The following TBK1 variants were observed in gnomAD, a reference collection of about 807,000 sequenced individuals.
TBK1 encodes the protein serine/threonine-protein kinase TBK1.
Under a neutral mutation model 99.9 loss-of-function variants are expected in TBK1, and 37 were observed. That is an observed-to-expected ratio of 0.37 (90% CI 0.28 to 0.49). The LOEUF is 0.49. Ranked by LOEUF, TBK1 falls within the 20% of genes least tolerant of loss-of-function variation. The pLI is 0.98. For missense variants in TBK1, 644 were observed against 872.5 expected, an observed-to-expected ratio of 0.74 and a Z score of 3.30; for synonymous variants, 258 against 279.8, an observed-to-expected ratio of 0.92 and a Z score of 0.78.
At chr12:64,481,805 T>C (rs767857968) in intron 7 of TBK1, 37 bp from the exon 8 acceptor site, 2 of 1,441,344 alleles carry the variant, frequency 1.4e-6, no homozygotes, top group Non-Finnish European at 1.8e-6. Flanking sequence ...GAATATGATA[T>C]ATTCACTCTT....
intron 9 of TBK1, 74 bp from the exon 10 acceptor site, chr12:64,485,381 T>A: frequency 1.5e-6 from 1 of 645,304 alleles, no homozygotes; most frequent in Non-Finnish European, 2.5e-6. Flanking sequence ...TTAGACATTG[T>A]GTTTGCTCTA....
chr12:64,472,269 C>T (rs539172346), intron 5 of TBK1, among the ~76,000 whole-genome samples: 47 of 150,400 alleles, frequency 3.1e-4, no homozygotes, highest in African/African-American at 1.0e-3. Context: ...CCCACCACCC[C>T]GACCCTCAGA....
In TBK1 at chr12:64,488,544, C is replaced by A; in HGVS notation, c.1398C>A (p.Ile466=). 1.2e-6 allele frequency: 2 copies of A among 1,605,854 alleles called. No homozygotes were observed. The highest frequency in any genetic ancestry group is 2.3e-5 in the South Asian group (2 of 88,406). The stretch of plus-strand genomic sequence containing the variant: ...TTCACAAAAAGACAGAAGTTGTGAT[C>A]ACATTGGATTTCTGTATCAGAAACA... ...ETVHKKTEVV[I]TLDFCIRNIE... Residue 466 remains isoleucine (I), a synonymous_variant, in exon 12 of 21, where the codon ATC becomes ATA. Transcript: ENST00000331710.
intron 20 of TBK1, among the ~76,000 whole-genome samples, chr12:64,500,024 A>C (rs2040972525): frequency 1.3e-5 from 2 of 152,074 alleles, no homozygotes; most frequent in African/African-American, 4.8e-5. Flanking sequence ...TTTATATTTA[A>C]CTACTTATGC....
At chr12:64,458,626 C>T (rs931768025) in intron 2 of TBK1, among the ~76,000 whole-genome samples, 5 of 151,818 alleles carry the variant, frequency 3.3e-5, no homozygotes, top group African/African-American at 7.3e-5. Context: ...ACCTGGATCC[C>T]GATAATCTCA....
intron 5 of TBK1, among the ~76,000 whole-genome samples, chr12:64,473,392 TGAAA>T (rs1240448652): frequency 6.6e-6 from 1 of 152,168 alleles, no homozygotes; most frequent in African/African-American, 2.4e-5. Flanking sequence ...GGGTAATTGT[TGAAA>T]GGAGTTTTGT....
intron 5 of TBK1, among the ~76,000 whole-genome samples, 169 bp from the exon 6 acceptor site, chr12:64,474,061 G>A (rs1565816805): frequency 6.6e-6 from 1 of 152,188 alleles, no homozygotes; most frequent in Admixed American, 6.5e-5. Context: ...AAAGGAGGTG[G>A]TGGAGGTTTG....
chr12:64,492,897 G>GTTT (rs539329815), intron 13 of TBK1, among the ~76,000 whole-genome samples: 8 of 113,654 alleles, frequency 7.0e-5, no homozygotes, highest in African/African-American at 2.0e-4. Context: ...AATTTTGTTT[G>GTTT]TTTTTTTTTT....
Position 64,484,509 on chromosome 12 carries a change from G to T in TBK1, c.1189+10G>T. The T allele has an allele frequency of 6.3e-7, 1 of 1,591,978 alleles. No homozygotes were observed. The highest frequency in any genetic ancestry group is 1.2e-5 in the South Asian group (1 of 86,954). On this transcript the variant is annotated intron_variant, in intron 9 of 20. Coordinates refer to ENST00000331710, the MANE Select transcript of TBK1 (RefSeq NM_013254.4). ...TTAATATATGAAAAAAGTAAGTTGG[G>T]ATTTTTCTTGTCGTTCTTACTAGCC...
rs1276287976 is a variant in TBK1 at position 64,467,007 on chromosome 12, C to T, written c.465C>T (p.Leu155=). The stretch of plus-strand genomic sequence containing the variant: ...AAGATGGACAGTCTGTGTACAAACT[C>T]ACAGATTTTGGTGCAGCTAGAGAAT... ...IGEDGQSVYK[L]TDFGAARELE... Residue 155 remains leucine, a synonymous_variant, in exon 5 of 21, where the codon CTC becomes CTT. Transcript: ENST00000331710. 5 of 1,611,844 alleles carry T rather than the reference C, an allele frequency of 3.1e-6. No homozygotes were observed. The highest frequency in any genetic ancestry group is 4.2e-6 in the Non-Finnish European group (5 of 1,178,998).
intron 1 of TBK1, among the ~76,000 whole-genome samples, chr12:64,453,763 A>G (rs1322217866): frequency 6.6e-6 from 1 of 152,244 alleles, no homozygotes; most frequent in Non-Finnish European, 1.5e-5. Flanking sequence ...ATGTTATGTT[A>G]GCATACATCA....
At chr12:64,452,493 C>G (rs2040437918) in intron 1 of TBK1, 2 of 152,416 alleles carry the variant, frequency 1.3e-5, no homozygotes, top group South Asian at 2.1e-4. Context: ...ACCTGCATCC[C>G]GTCCGGCGGC....
chr12:64,480,164 G>A (rs2040754962), intron 7 of TBK1, 42 bp downstream of exon 7: 1 of 1,472,732 alleles, frequency 6.8e-7, no homozygotes, highest in Non-Finnish European at 9.3e-7. Flanking sequence ...GCACTTTGGT[G>A]TTTGAAATCT....
At chr12:64,479,131 A>G (rs976756005) in intron 6 of TBK1, among the ~76,000 whole-genome samples, 1 of 152,244 alleles carries the variant, frequency 6.6e-6, no homozygotes, top group South Asian at 2.1e-4. Context: ...TATTCATCCA[A>G]CATTATAGTA....
intron 3 of TBK1, among the ~76,000 whole-genome samples, chr12:64,461,446 C>G (rs1385943527): frequency 6.6e-6 from 1 of 151,812 alleles, no homozygotes. Flanking sequence ...ACTCTTTATC[C>G]GAGTGATTTT....
Position 64,498,026 on chromosome 12 carries a change from C to A in TBK1, c.2125C>A (p.His709Asn), listed in dbSNP as rs770870248. 34 of 1,598,996 alleles carry A rather than the reference C, an allele frequency of 2.1e-5. No individual in the cohort carries two copies. Among genetic ancestry groups the A allele is most frequent in the South Asian group, 6.9e-5 (6 of 87,208 alleles). Residue 709 changes from histidine to asparagine, a missense_variant, in exon 20 of 21, where the codon CAC becomes AAC. This residue lies in a region of TBK1 where 465 missense variants were observed against 588.0 expected (regional missense o/e 0.79). Coordinates refer to ENST00000331710, the MANE Select transcript of TBK1 (RefSeq NM_013254.4). The stretch of plus-strand genomic sequence containing the variant: ...GGTTAAAGAACTTGCTGAAAATAAC[C>A]ACATTTTAGAAAGGTGAGTAATGCA... The part of the protein sequence containing the change: ...GVVKELAENN[H>N]ILERFGSLTM...
rs371577218 is a variant in TBK1, at chr12:64,463,906, C to T, written c.229-428C>T. 2.1e-3 allele frequency among the ~76,000 whole-genome samples: 316 copies of T among 151,286 alleles called. 1 individual carries two copies. Among genetic ancestry groups the T allele is most frequent in the African/African-American group, 7.2e-3 (294 of 41,114 alleles). The stretch of plus-strand genomic sequence containing the variant: ...TTGAGATGGAGTCTCGCTCTGTCAC[C>T]AGGCTGGACTGCAGTAGTGCAATCT... On this transcript the variant is annotated intron_variant, in intron 3 of 20. Coordinates refer to ENST00000331710, the MANE Select transcript of TBK1 (RefSeq NM_013254.4).
At chr12:64,454,518 A>G (rs1453842983) in intron 1 of TBK1, among the ~76,000 whole-genome samples, 3 of 151,850 alleles carry the variant, frequency 2.0e-5, no homozygotes, top group African/African-American at 7.3e-5. Flanking sequence ...GAGTGCTGGG[A>G]TTACAGGCAT....
intron 9 of TBK1, among the ~76,000 whole-genome samples, chr12:64,484,747 G>C (rs1246426338): frequency 6.6e-6 from 1 of 152,032 alleles, no homozygotes; most frequent in Non-Finnish European, 1.5e-5. Flanking sequence ...GTGGGACCCT[G>C]TCTCAAAAAC....
Sources: allele counts gnomAD v4.1 joint callset (sites outside exome capture counted in the v4.1 genomes callset), GRCh38; gene constraint gnomAD v4.1.1; regional missense constraint gnomAD v4.1.1; transcripts MANE v1.5; gene names NCBI Gene and HGNC (gene_info 2026-07-23, HGNC 2026-07-21).